NRXN1: variants seen among roughly 807,000 people sequenced by gnomAD.
The protein encoded by NRXN1 is neurexin 1, also known as neurexin-1.
A neutral mutation model predicts 150.9 loss-of-function variants in NRXN1; 39 were observed. The ratio of observed to expected loss-of-function variants is 0.26; its 90% confidence interval spans 0.20 to 0.34. NRXN1 has a LOEUF of 0.34. Ranked by LOEUF, NRXN1 falls within the 10% of genes least tolerant of loss-of-function variation. The pLI, the probability that NRXN1 is intolerant of heterozygous loss-of-function variation, is 1.00. For missense variants in NRXN1, 1,815 were observed against 1,949.9 expected (o/e 0.93, Z 1.30); for synonymous variants, 924 against 757.0 (o/e 1.22, Z -3.62).
chr2:50,433,556 G>A (rs894120575), intron 17 of NRXN1, among the ~76,000 whole-genome samples: 4 of 142,868 alleles, frequency 2.8e-5, no homozygotes, highest in African/African-American at 1.2e-4. Flanking sequence ...GCTAGCAGGA[G>A]GTAATAATTT....
chr2:50,632,017 C>T (rs1252920393), intron 5 of NRXN1, among the ~76,000 whole-genome samples: 10 of 151,838 alleles, frequency 6.6e-5, no homozygotes, highest in Admixed American at 6.6e-4. Context: ...TTAATGATTA[C>T]TTAATAAATA....
At position 51,028,004 on chromosome 2, in the gene NRXN1, C is replaced by A. The variant is rs199960045; in HGVS notation, c.270G>T (p.Gln90His). ...CAGCGCAGAAGATGGAGAAGCTGAG[C>A]TGCAGGCGGCCGCCGCGCGTCAGAA... ...ELILTRGGRLQLSFSIFCAEP... is the reference protein window; with the variant it reads ...ELILTRGGRLHLSFSIFCAEP... Residue 90 changes from glutamine (Q) to histidine (H), a missense_variant, in exon 2 of 23, where the codon CAG becomes CAT. By Grantham distance (24) the Gln-to-His change is conservative. Around this residue, in one of 6 missense-constraint regions of NRXN1, gnomAD observed 554 missense variants for 478.8 expected, o/e 1.16. Coordinates refer to ENST00000401669, the MANE Select transcript of NRXN1 (RefSeq NM_001330078.2). 162 of 1,599,618 alleles carry A rather than the reference C, an allele frequency of 1.0e-4. No individual in the cohort carries two copies. The highest frequency in any genetic ancestry group is 1.3e-4 in the Admixed American group (8 of 59,840).
intron 17 of NRXN1, among the ~76,000 whole-genome samples, chr2:50,429,807 T>C (rs1224809778): frequency 6.6e-6 from 1 of 152,086 alleles, no homozygotes; most frequent in Non-Finnish European, 1.5e-5. Context: ...AGAACTTCTA[T>C]TGTGGGCATA....
At position 50,483,050 on chromosome 2, in the gene NRXN1, C is replaced by CA. The variant is rs70948712; in HGVS notation, c.3071-10580dup. Reference sequence around the variant, plus strand: ...TGGGCGACAGGGAGAGACTCCGTGTCAAAAAAAAAAAAAAAAAAAAAAAGG... The same window carrying CA: ...TGGGCGACAGGGAGAGACTCCGTGTCAAAAAAAAAAAAAAAAAAAAAAAAGG... On this transcript the variant is annotated intron_variant, in intron 15 of 22. Transcript: ENST00000401669. Among the ~76,000 whole-genome samples, 189 of 75,352 alleles carry CA rather than the reference C, an allele frequency of 2.5e-3. 2 individuals are homozygous for CA. The highest frequency in any genetic ancestry group is 9.4e-3 in the Middle Eastern group (1 of 106). The allele number at this position is 75,352 out of a possible 152,430, so 49.4% of individuals were successfully genotyped here.
At chr2:50,573,573 TATG>T (rs1558957029) in intron 8 of NRXN1, among the ~76,000 whole-genome samples, 1 of 152,030 alleles carries the variant, frequency 6.6e-6, no homozygotes, top group African/African-American at 2.4e-5. Flanking sequence ...AACAATCAAA[TATG>T]ATATTTTTAT....
At chr2:50,136,090 C>T (rs1002355136) in intron 18 of NRXN1, among the ~76,000 whole-genome samples, 3 of 152,098 alleles carry the variant, frequency 2.0e-5, no homozygotes, top group Admixed American at 6.5e-5. Flanking sequence ...TCTCCTTGTT[C>T]GGAAGAGTCA....
intron 17 of NRXN1, among the ~76,000 whole-genome samples, chr2:50,394,713 A>C (rs868808811): frequency 6.6e-6 from 1 of 152,190 alleles, no homozygotes; most frequent in South Asian, 2.1e-4. Context: ...AATAAAAGTC[A>C]TCCTCATGAT....
intron 8 of NRXN1, chr2:50,619,385 A>G (rs1240254157): frequency 6.6e-6 from 1 of 152,190 alleles, no homozygotes; most frequent in Non-Finnish European, 1.5e-5. Context: ...AACCCAACAA[A>G]TTCCAATCTT....
intron 2 of NRXN1, among the ~76,000 whole-genome samples, chr2:50,958,224 A>G (rs1417471946): frequency 6.6e-6 from 1 of 152,126 alleles, no homozygotes; most frequent in Non-Finnish European, 1.5e-5. Context: ...TCAACAGAGA[A>G]GACAGCTGCA....
chr2:50,081,022 T>G (rs1697882588), intron 19 of NRXN1, among the ~76,000 whole-genome samples: 1 of 152,200 alleles, frequency 6.6e-6, no homozygotes, highest in Non-Finnish European at 1.5e-5. Context: ...ATAACATACA[T>G]AATTTTGTAT....
intron 17 of NRXN1, among the ~76,000 whole-genome samples, chr2:50,335,864 C>T (rs1389482458): frequency 1.3e-5 from 2 of 150,768 alleles, no homozygotes; most frequent in Admixed American, 6.6e-5. Context: ...GAGGAGTCTA[C>T]CTTATATCTA....
At chr2:50,128,674 A>T (rs974111342) in intron 18 of NRXN1, among the ~76,000 whole-genome samples, 1 of 152,120 alleles carries the variant, frequency 6.6e-6, no homozygotes, top group African/African-American at 2.4e-5. Context: ...CTTAATAAGC[A>T]GGATGTTAAA....
At chr2:50,626,000 A>G (rs1279066073) in intron 5 of NRXN1, among the ~76,000 whole-genome samples, 1 of 152,104 alleles carries the variant, frequency 6.6e-6, no homozygotes, top group African/African-American at 2.4e-5. Context: ...CAACATTTAT[A>G]TTCAATGCTA....
At chr2:50,319,538 T>G (rs759662054) in intron 17 of NRXN1, among the ~76,000 whole-genome samples, 2 of 152,146 alleles carry the variant, frequency 1.3e-5, no homozygotes, top group Non-Finnish European at 2.9e-5. Flanking sequence ...CTTTTTTCCT[T>G]TCTGAACTAA....
At chr2:50,287,268 T>C (rs2072313329) in intron 17 of NRXN1, among the ~76,000 whole-genome samples, 1 of 152,128 alleles carries the variant, frequency 6.6e-6, no homozygotes, top group South Asian at 2.1e-4. Context: ...GTCTTCTCTT[T>C]CTACATTCTT....
chr2:50,647,670 G>T (rs534226858), intron 5 of NRXN1, among the ~76,000 whole-genome samples: 1 of 151,926 alleles, frequency 6.6e-6, no homozygotes, highest in Non-Finnish European at 1.5e-5. Flanking sequence ...TAGGAAGAAA[G>T]TCAGGGACAA....
chr2:50,771,133 T>C (rs559070533), intron 5 of NRXN1, among the ~76,000 whole-genome samples: 1 of 152,120 alleles, frequency 6.6e-6, no homozygotes, highest in East Asian at 1.9e-4. Flanking sequence ...GACTGCAGAT[T>C]GTACTGAAGA....
At chr2:50,614,803 A>C (rs1380985381) in intron 8 of NRXN1, among the ~76,000 whole-genome samples, 1 of 151,230 alleles carries the variant, frequency 6.6e-6, no homozygotes, top group African/African-American at 2.4e-5. Context: ...GAAGTGCATA[A>C]ATTGAGAAGC....
At chr2:50,068,047 T>A (rs1695628502) in intron 19 of NRXN1, among the ~76,000 whole-genome samples, 1 of 152,216 alleles carries the variant, frequency 6.6e-6, no homozygotes, top group Non-Finnish European at 1.5e-5. Context: ...TGATGTGGCC[T>A]ATAAATGGAA....
Sources: allele counts gnomAD v4.1 joint callset (sites outside exome capture counted in the v4.1 genomes callset), GRCh38; gene constraint gnomAD v4.1.1; regional missense constraint gnomAD v4.1.1; transcripts MANE v1.5; gene names NCBI Gene and HGNC (gene_info 2026-07-23, HGNC 2026-07-21).